The following PDE7B variants were observed in gnomAD, a reference collection of about 807,000 sequenced individuals.
PDE7B encodes the protein phosphodiesterase 7B.
Under a neutral mutation model 56.2 loss-of-function variants are expected in PDE7B, and 29 were observed. The ratio of observed to expected loss-of-function variants is 0.52; its 90% CI spans 0.38 to 0.70. PDE7B has a LOEUF of 0.70. Among genes scored for constraint, PDE7B ranks in the 30% least tolerant of loss-of-function variants. The pLI is 0.00. For synonymous variants in PDE7B, 197 were observed against 196.9 expected (o/e 1.00, Z 0.00); for missense variants, 490 against 565.0 (o/e 0.87, Z 1.35).
At chr6:136,037,403 G>T in intron 2 of PDE7B, 1 of 984,846 alleles carries the variant, frequency 1.0e-6, no homozygotes, top group South Asian at 4.7e-5. Context: ...TGACTAATAG[G>T]TCATAACCCA....
At chr6:136,085,235 GACTTC>G (rs1319800951) in intron 2 of PDE7B, among the ~76,000 whole-genome samples, 1 of 152,190 alleles carries the variant, frequency 6.6e-6, no homozygotes, top group African/African-American at 2.4e-5. Context: ...TGCACAGTCT[GACTTC>G]ACTTCCCAGT....
intron 2 of PDE7B, among the ~76,000 whole-genome samples, chr6:136,017,472 C>T (rs921604118): frequency 4.7e-5 from 7 of 150,332 alleles, no homozygotes; most frequent in Admixed American, 1.3e-4. Flanking sequence ...GGTATATCTC[C>T]TAATGCTATC....
chr6:136,179,233 T>C lies in PDE7B; in HGVS notation c.948+92T>C, dbSNP rs1779025875. On this transcript the variant is annotated intron_variant, in intron 10 of 12. Transcript: ENST00000308191. ...GCTCACATCTGTAGTCCCAGCTACT[T>C]GGGAGGCTGAGGCATGGGGATCACT... 4.2e-6 allele frequency: 5 copies of C among 1,190,770 alleles called. No individual in the cohort carries two copies. In the East Asian group the frequency reaches 1.2e-4, roughly 28 times the overall value. The allele number at this position is 1,190,770 out of a possible 1,614,324, so 73.8% of individuals were successfully genotyped here.
At chr6:135,902,355 A>T (rs1269149573) in intron 1 of PDE7B, among the ~76,000 whole-genome samples, 2 of 151,734 alleles carry the variant, frequency 1.3e-5, no homozygotes, top group Non-Finnish European at 2.9e-5. Flanking sequence ...CTTTTTTTAA[A>T]GAACAACTGC....
intron 2 of PDE7B, chr6:136,044,400 A>G (rs1362681036): frequency 6.6e-6 from 1 of 152,220 alleles, no homozygotes; most frequent in Non-Finnish European, 1.5e-5. Flanking sequence ...AAAATAGCTT[A>G]CAAATTGCCA....
At chr6:135,898,945 GTAA>G (rs1775948895) in intron 1 of PDE7B, among the ~76,000 whole-genome samples, 1 of 152,104 alleles carries the variant, frequency 6.6e-6, no homozygotes, top group African/African-American at 2.4e-5. Context: ...ACCTTGAATT[GTAA>G]TAATCCCCAT....
At chr6:136,145,785 A>G (rs1183878330) in intron 3 of PDE7B, among the ~76,000 whole-genome samples, 1 of 152,110 alleles carries the variant, frequency 6.6e-6, no homozygotes, top group African/African-American at 2.4e-5. Flanking sequence ...AAACCCATCT[A>G]AAGTCAAGGT....
chr6:136,031,709 AG>A (rs1430914114), intron 2 of PDE7B, among the ~76,000 whole-genome samples: 4 of 143,958 alleles, frequency 2.8e-5, no homozygotes, highest in Non-Finnish European at 6.0e-5. Flanking sequence ...ACTGCACTCC[AG>A]CCTGGGCGAC....
In PDE7B at chr6:136,129,199, C is replaced by A. The variant is rs143968701; in HGVS notation, c.167-18152C>A. ...TTGAACCTCATTCTAGGCCAAGTAT[C>A]CTTTTCTCAGAAATAGTTTCTTATT... On this transcript the variant is annotated intron_variant, in intron 3 of 12. Transcript: ENST00000308191. 2.1e-4 allele frequency among the ~76,000 whole-genome samples: 32 copies of A among 152,258 alleles called. No homozygotes were observed. In the East Asian group the frequency reaches 4.3e-3, roughly 20 times the overall value.
Position 135,985,269 on chromosome 6 carries a change from T to G in PDE7B, c.82+37745T>G, listed in dbSNP as rs187108509. On this transcript the variant is annotated intron_variant, in intron 2 of 12. Coordinates refer to ENST00000308191, the MANE Select transcript of PDE7B (RefSeq NM_018945.4). ...TTATTCAACCATGACTGTCCTGTAG[T>G]GCCATCTGCCCTCACAGCTGAGCTG... Among the ~76,000 whole-genome samples, 1,053 of 152,284 alleles carry G rather than the reference T, an allele frequency of 6.9e-3. 9 individuals are homozygous for G. The highest frequency in any genetic ancestry group is 0.024 in the African/African-American group (991 of 41,562).
chr6:135,940,380 T>C (rs185238821), intron 1 of PDE7B, among the ~76,000 whole-genome samples: 1 of 152,316 alleles, frequency 6.6e-6, no homozygotes, highest in East Asian at 1.9e-4. Context: ...ACAAACTTCT[T>C]AAGGAAAAGA....
chr6:136,191,846 G>A lies in PDE7B; in HGVS notation c.*6G>A, dbSNP rs763384979. On this transcript the variant is annotated 3_prime_UTR_variant, in exon 13 of 13. Coordinates refer to ENST00000308191, the MANE Select transcript of PDE7B (RefSeq NM_018945.4). The stretch of plus-strand genomic sequence containing the variant: ...AGGAAGGCGACAGCCCCTAGGGGCC[G>A]GCCCAACTTAGACGCGGCTCTCCTC... 5.2e-6 allele frequency: 8 copies of A among 1,546,880 alleles called. No individual in the cohort carries two copies. The highest frequency in any genetic ancestry group is 1.4e-5 in the African/African-American group (1 of 72,940).
chr6:136,138,616 G>A (rs1436100506), intron 3 of PDE7B, among the ~76,000 whole-genome samples: 2 of 152,086 alleles, frequency 1.3e-5, no homozygotes, highest in Non-Finnish European at 2.9e-5. Context: ...AAAGTTAAGT[G>A]CTATTGTTTT....
chr6:136,004,468 C>G (rs1364216055), intron 2 of PDE7B, among the ~76,000 whole-genome samples: 1 of 152,108 alleles, frequency 6.6e-6, no homozygotes, highest in Non-Finnish European at 1.5e-5. Flanking sequence ...TGTCTCAGCT[C>G]GAAATCTCCT....
chr6:135,962,837 T>G (rs1222158990), intron 2 of PDE7B, among the ~76,000 whole-genome samples: 1 of 152,156 alleles, frequency 6.6e-6, no homozygotes, highest in East Asian at 1.9e-4. Context: ...GCCATCCTTT[T>G]GCAGAGGGCA....
chr6:136,141,607 T>G (rs569633352), intron 3 of PDE7B, among the ~76,000 whole-genome samples: 2 of 152,326 alleles, frequency 1.3e-5, no homozygotes, highest in East Asian at 3.9e-4. Flanking sequence ...GGACTTTTTT[T>G]GGTTTGTAAG....
chr6:135,991,399 C>G (rs1775476852), intron 2 of PDE7B, among the ~76,000 whole-genome samples: 1 of 118,404 alleles, frequency 8.4e-6, no homozygotes, highest in African/African-American at 3.5e-5. Context: ...ACGTTGTACA[C>G]CACAAATGTA....
chr6:136,051,049 T>C (rs1456163562), intron 2 of PDE7B, among the ~76,000 whole-genome samples: 2 of 151,950 alleles, frequency 1.3e-5, no homozygotes, highest in Admixed American at 1.3e-4. Context: ...CAATAGACCT[T>C]GTTCCATTAA....
At chr6:135,933,289 T>C (rs942786984) in intron 1 of PDE7B, among the ~76,000 whole-genome samples, 5 of 152,252 alleles carry the variant, frequency 3.3e-5, no homozygotes, top group African/African-American at 1.2e-4. Context: ...TACACACACA[T>C]ACCTGCACAA....
Sources: allele counts gnomAD v4.1 joint callset (sites outside exome capture counted in the v4.1 genomes callset), GRCh38; gene constraint gnomAD v4.1.1; transcripts MANE v1.5; gene names NCBI Gene and HGNC (gene_info 2026-07-23, HGNC 2026-07-21).